The following APBA1 variants were observed in gnomAD, a reference collection of about 807,000 sequenced individuals.
APBA1 encodes the protein amyloid beta precursor protein binding family A member 1, also known as amyloid-beta A4 precursor protein-binding family A member 1.
Under a neutral mutation model 86.6 loss-of-function variants are expected in APBA1, and 55 were observed. The observed-to-expected ratio is 0.64, with a 90% CI of 0.51 to 0.80. The LOEUF (loss-of-function observed/expected upper bound fraction) is 0.80. Among genes scored for constraint, APBA1 ranks in the 30% least tolerant of loss-of-function variants. The pLI is 0.00. For missense variants in APBA1, 1,090 were observed against 1,183.0 expected (o/e 0.92, Z 1.15); for synonymous variants, 511 against 493.9 (o/e 1.03, Z -0.46).
At chr9:69,495,017 G>T (rs1835773404) in intron 2 of APBA1, among the ~76,000 whole-genome samples, 1 of 152,144 alleles carries the variant, frequency 6.6e-6, no homozygotes, top group Non-Finnish European at 1.5e-5. Context: ...TGCCCAAAGT[G>T]ACTCATTTAT....
At chr9:69,552,439 A>G (rs1836800507) in intron 1 of APBA1, among the ~76,000 whole-genome samples, 1 of 152,238 alleles carries the variant, frequency 6.6e-6, no homozygotes, top group Non-Finnish European at 1.5e-5. Flanking sequence ...ATGCACACTC[A>G]CATTCATCTC....
chr9:69,655,425 C>G (rs963585920), intron 1 of APBA1, among the ~76,000 whole-genome samples: 27 of 151,974 alleles, frequency 1.8e-4, no homozygotes, highest in African/African-American at 6.3e-4. Context: ...AAATTAGTAG[C>G]ATTTCTATAT....
chr9:69,611,289 AAAAAAAAAAAAAAAAC>A (rs1276799232), intron 1 of APBA1, among the ~76,000 whole-genome samples: 1 of 150,104 alleles, frequency 6.7e-6, no homozygotes, highest in Non-Finnish European at 1.5e-5. Context: ...GAAAAGGAAA[AAAAAAAAAAAAAAAAC>A]AAAAAAAAAA....
intron 1 of APBA1, among the ~76,000 whole-genome samples, chr9:69,584,900 A>G (rs1056489165): frequency 6.6e-6 from 1 of 152,208 alleles, no homozygotes; most frequent in Admixed American, 6.5e-5. Context: ...ATATCCAGAG[A>G]AAACTTCTGA....
intron 1 of APBA1, among the ~76,000 whole-genome samples, chr9:69,642,824 C>T (rs910611113): frequency 2.0e-5 from 3 of 151,816 alleles, no homozygotes; most frequent in African/African-American, 7.3e-5. Context: ...ACCGCCTGAA[C>T]AAGAAGGAAT....
At chr9:69,431,433 A>T (rs1187463051) in intron 12 of APBA1, 35 bp from the exon 13 acceptor site, 1 of 1,593,032 alleles carries the variant, frequency 6.3e-7, no homozygotes, top group East Asian at 2.3e-5. Context: ...TGGGGGGCTG[A>T]GGCTGGGGGC....
chr9:69,497,256 A>G (rs572107554), intron 2 of APBA1, among the ~76,000 whole-genome samples: 7 of 152,212 alleles, frequency 4.6e-5, no homozygotes, highest in African/African-American at 1.7e-4. Flanking sequence ...AGATGGAAGC[A>G]TGAAGAGGAG....
chr9:69,588,919 A>T (rs1822073968), intron 1 of APBA1, among the ~76,000 whole-genome samples: 1 of 152,180 alleles, frequency 6.6e-6, no homozygotes, highest in Non-Finnish European at 1.5e-5. Context: ...CTTGCTCTCT[A>T]TAAGGGGCTT....
At chr9:69,469,792 C>T (rs561520860) in intron 4 of APBA1, among the ~76,000 whole-genome samples, 2 of 152,260 alleles carry the variant, frequency 1.3e-5, no homozygotes, top group Non-Finnish European at 2.9e-5. Flanking sequence ...ATGATAAGTT[C>T]CTGGTGATGC....
At chr9:69,625,837 T>C (rs1455914386) in intron 1 of APBA1, among the ~76,000 whole-genome samples, 1 of 152,196 alleles carries the variant, frequency 6.6e-6, no homozygotes, top group Non-Finnish European at 1.5e-5. Context: ...CATATGTCAC[T>C]GGGCTTGAGT....
intron 5 of APBA1, chr9:69,460,634 C>T (rs1190386628): frequency 6.6e-6 from 1 of 151,946 alleles, no homozygotes; most frequent in Non-Finnish European, 1.5e-5. Context: ...ATAGGTTCCA[C>T]CATCACTGGA....
chr9:69,553,536 ATCTATCAGTAACTCAGAATTTT>A (rs1479571168), intron 1 of APBA1, among the ~76,000 whole-genome samples: 3 of 152,218 alleles, frequency 2.0e-5, no homozygotes, highest in Non-Finnish European at 4.4e-5. Context: ...ATGTCATTGT[ATCTATCAGTAACTCAGAATTTT>A]TCACTGTTGA....
rs550114743 is a variant in APBA1 at position 69,456,268 on chromosome 9, G to A, written c.1767C>T (p.Cys589=). 1 of 1,614,232 alleles carries A rather than the reference G, an allele frequency of 6.2e-7. No homozygotes were observed. Among genetic ancestry groups the A allele is most frequent in the Non-Finnish European group, 8.5e-7 (1 of 1,180,040 alleles). The change falls in exon 8 of 13, where the codon TGC becomes TGT. Residue 589 remains cysteine, a synonymous_variant. Coordinates refer to ENST00000265381, the MANE Select transcript of APBA1 (RefSeq NM_001163.4). ...TTACATCCTCAGACTCGAAGACGTG[G>A]CAGATCATCTTGTACTGCCTTTTCC... ...QDGKRQYKMI[C]HVFESEDAQL... is the part of the protein sequence containing the mutation.
chr9:69,482,694 G>T (rs890602743), intron 2 of APBA1, among the ~76,000 whole-genome samples: 136 of 151,858 alleles, frequency 9.0e-4, no homozygotes, highest in Non-Finnish European at 1.6e-3. Flanking sequence ...TGCGGCATTA[G>T]TCGCAATAGC....
chr9:69,577,032 G>A (rs1253537858), intron 1 of APBA1, among the ~76,000 whole-genome samples: 1 of 151,918 alleles, frequency 6.6e-6, no homozygotes, highest in East Asian at 1.9e-4. Context: ...TATCTATGGG[G>A]TACATGGTGA....
At chr9:69,534,277 C>A (rs1216161789) in intron 1 of APBA1, among the ~76,000 whole-genome samples, 1 of 152,116 alleles carries the variant, frequency 6.6e-6, no homozygotes, top group Non-Finnish European at 1.5e-5. Flanking sequence ...TTGAAGCTCA[C>A]CCTTCACAAT....
At chr9:69,568,888 G>A (rs138693816) in intron 1 of APBA1, among the ~76,000 whole-genome samples, 357 of 152,326 alleles carry the variant, frequency 2.3e-3, no homozygotes, top group African/African-American at 8.1e-3. Context: ...CTCAAAAACA[G>A]TGGCTCTATT....
At chr9:69,512,895 A>G (rs911316064) in intron 2 of APBA1, among the ~76,000 whole-genome samples, 4 of 152,188 alleles carry the variant, frequency 2.6e-5, no homozygotes, top group African/African-American at 7.2e-5. Flanking sequence ...TCCATTTTCT[A>G]TAACAGCATA....
rs1018830745 is a variant in APBA1 at position 69,554,412 on chromosome 9, T to C, written c.-69-37133A>G. On this transcript the variant is annotated intron_variant, in intron 1 of 12. Coordinates refer to ENST00000265381, the MANE Select transcript of APBA1 (RefSeq NM_001163.4). ...TTCTCCTTACACTAAGACATCTTTA[T>C]ACAATTAGTAGGCACCATATATTCT... 1.6e-4 allele frequency among the ~76,000 whole-genome samples: 25 copies of C among 152,358 alleles called. 1 individual carries two copies.
Sources: gnomAD v4.1 joint callset for allele counts (sites outside exome capture counted in the v4.1 genomes callset) on GRCh38, gnomAD v4.1.1 for gene constraint, MANE v1.5 for transcripts, NCBI Gene and HGNC (gene_info 2026-07-23, HGNC 2026-07-21) for gene names.